Variants in PLEKHG1 observed in about 807,000 individuals in gnomAD.
PLEKHG1 encodes pleckstrin homology and RhoGEF domain containing G1, also known as pleckstrin homology domain-containing family G member 1.
Under a neutral mutation model 100.8 loss-of-function variants are expected in PLEKHG1, and 44 were observed. That is an observed-to-expected ratio of 0.44 (90% CI 0.34 to 0.56). The LOEUF (loss-of-function observed/expected upper bound fraction) is 0.56. PLEKHG1 is among the 20% of genes least tolerant of loss of function. The probability of loss-of-function intolerance (pLI) is 0.01; values close to 1 mark genes in which losing one functional copy is unlikely to be tolerated. For missense variants in PLEKHG1, 1,545 were observed against 1,720.9 expected, an observed-to-expected ratio of 0.90 and a Z score of 1.81; for synonymous variants, 640 against 662.5, an observed-to-expected ratio of 0.97 and a Z score of 0.52.
At chr6:150,652,579 G>T (rs1338885438) in intron 3 of PLEKHG1, among the ~76,000 whole-genome samples, 8 of 152,130 alleles carry the variant, frequency 5.3e-5, no homozygotes, top group African/African-American at 1.9e-4. Flanking sequence ...AATTAGCTGG[G>T]CGTGGTGGCT....
At chr6:150,697,428 GC>G (rs942474754) in intron 3 of PLEKHG1, among the ~76,000 whole-genome samples, 4 of 152,206 alleles carry the variant, frequency 2.6e-5, no homozygotes, top group Admixed American at 2.6e-4. Context: ...TAAGGCACTA[GC>G]CTTAAAGAAG....
chr6:150,808,595 C>A (rs1787284075), intron 7 of PLEKHG1, among the ~76,000 whole-genome samples: 1 of 151,898 alleles, frequency 6.6e-6, no homozygotes, highest in African/African-American at 2.4e-5. Context: ...ACTAAAAATG[C>A]AAAAAAATTT....
At chr6:150,625,373 C>G (rs1192104410) in intron 1 of PLEKHG1, among the ~76,000 whole-genome samples, 1 of 152,128 alleles carries the variant, frequency 6.6e-6, no homozygotes, top group Non-Finnish European at 1.5e-5. Context: ...TGTCTTCTCC[C>G]TGTGTCGTTA....
Position 150,775,333 on chromosome 6 carries a change from A to G in PLEKHG1, c.512+6595A>G, listed in dbSNP as rs187918084. ...TTTCTTTAAGAATGAAGAGTGAGGAAATAAAGATCATTCCTCCATATTGAA... is the reference window on the plus strand; with the variant it reads ...TTTCTTTAAGAATGAAGAGTGAGGAGATAAAGATCATTCCTCCATATTGAA... On this transcript the variant is annotated intron_variant, in intron 3 of 15. Transcript: ENST00000358517. 1.2e-4 allele frequency among the ~76,000 whole-genome samples: 19 copies of G among 152,342 alleles called. No homozygotes were observed. The East Asian group carries it at 3.7e-3, about 29-fold the overall frequency.
At position 150,830,748 on chromosome 6, in the gene PLEKHG1, G is replaced by A. The variant is rs374260329; in HGVS notation, c.1637G>A (p.Arg546Gln). Residue 546 changes from arginine (R) to glutamine (Q), a missense_variant, in exon 15 of 16, where the codon CGA becomes CAA. Transcript: ENST00000358517. The stretch of plus-strand genomic sequence containing the variant: ...ATCAGGCAAGCCTTGTTTCCCAGCC[G>A]ACGGTCCCCGCAGGAGAATGAGGAT... 5.0e-5 allele frequency: 81 copies of A among 1,614,166 alleles called. No homozygotes were observed. The highest frequency in any genetic ancestry group is 6.6e-5 in the Non-Finnish European group (78 of 1,180,020).
intron 3 of PLEKHG1, among the ~76,000 whole-genome samples, chr6:150,677,282 CTA>C (rs1491386034): frequency 1.8e-4 from 21 of 119,424 alleles, no homozygotes; most frequent in African/African-American, 5.7e-4. Flanking sequence ...GTTTCTTCCC[CTA>C]TACACACACA....
chr6:150,779,056 G>A (rs887951830), intron 3 of PLEKHG1, among the ~76,000 whole-genome samples: 6 of 152,170 alleles, frequency 3.9e-5, no homozygotes, highest in African/African-American at 1.2e-4. Flanking sequence ...AACCATGACT[G>A]TGGCCATGCA....
intron 3 of PLEKHG1, among the ~76,000 whole-genome samples, chr6:150,771,318 G>A (rs1490597490): frequency 6.6e-6 from 1 of 151,896 alleles, no homozygotes; most frequent in Admixed American, 6.6e-5. Context: ...TTGGGAGGCT[G>A]AGGCAGGAGA....
upstream of PLEKHG1, among the ~76,000 whole-genome samples, chr6:150,719,539 A>G (rs1458978918): frequency 6.6e-6 from 1 of 152,226 alleles, no homozygotes; most frequent in Non-Finnish European, 1.5e-5. Context: ...ACGATTAAAT[A>G]TGAGACCACA....
At chr6:150,605,264 C>G (rs2128550560) in intron 1 of PLEKHG1, among the ~76,000 whole-genome samples, 1 of 152,326 alleles carries the variant, frequency 6.6e-6, no homozygotes, top group South Asian at 2.1e-4. Context: ...GAGAATCAAG[C>G]ACAAAACAAT....
intron 4 of PLEKHG1, among the ~76,000 whole-genome samples, chr6:150,791,208 A>T (rs1205414088): frequency 6.6e-6 from 1 of 152,136 alleles, no homozygotes; most frequent in South Asian, 2.1e-4. Flanking sequence ...CCAGCAATCT[A>T]TGTTTTAACA....
At chr6:150,631,646 T>G (rs1310229970) in intron 1 of PLEKHG1, among the ~76,000 whole-genome samples, 1 of 152,200 alleles carries the variant, frequency 6.6e-6, no homozygotes, top group East Asian at 1.9e-4. Context: ...GTTCTAACCT[T>G]GCATTTCAGA....
intron 14 of PLEKHG1, among the ~76,000 whole-genome samples, chr6:150,829,141 A>G (rs972208419): frequency 6.6e-6 from 1 of 152,124 alleles, no homozygotes; most frequent in Non-Finnish European, 1.5e-5. Flanking sequence ...ATAGGTTACT[A>G]TAGTGTTTTA....
exon 2 of PLEKHG1, chr6:150,733,648 A>T: frequency 6.2e-7 from 1 of 1,614,156 alleles, no homozygotes; most frequent in Non-Finnish European, 8.5e-7. Flanking sequence ...CCAAGACGAC[A>T]GCCAGGCGTT....
At chr6:150,779,344 G>GT (rs71554482) in intron 3 of PLEKHG1, among the ~76,000 whole-genome samples, 2,466 of 104,518 alleles carry the variant, frequency 0.024, 69 homozygotes, top group Middle Eastern at 0.048. Context: ...TTGTCAAGAA[G>GT]TTTTTTTTTT....
At chr6:150,772,372 T>C (rs150096724) in intron 3 of PLEKHG1, among the ~76,000 whole-genome samples, 107 of 152,332 alleles carry the variant, frequency 7.0e-4, no homozygotes, top group African/African-American at 2.5e-3. Flanking sequence ...ATGTGTAACA[T>C]GCTGTGGGAG....
intron 3 of PLEKHG1, among the ~76,000 whole-genome samples, chr6:150,699,073 T>C (rs1255191087): frequency 1.3e-5 from 2 of 152,228 alleles, no homozygotes; most frequent in African/African-American, 4.8e-5. Flanking sequence ...TCCTTAAAAC[T>C]GGTGAAATCT....
At chr6:150,801,432 C>CTTTTTTTTTTTTTTTTTTT (rs1389259884) in intron 6 of PLEKHG1, among the ~76,000 whole-genome samples, 1 of 125,850 alleles carries the variant, frequency 7.9e-6, no homozygotes. Flanking sequence ...TTTTTCTTTT[C>CTTTTTTTTTTTTTTTTTTT]TTTTCTTTTT....
chr6:150,678,067 T>TATA, intron 3 of PLEKHG1, among the ~76,000 whole-genome samples: 1 of 90,678 alleles, frequency 1.1e-5, no homozygotes, highest in Non-Finnish European at 2.2e-5. Flanking sequence ...TTGATGCATA[T>TATA]ATATATATAT....
Sources: gnomAD v4.1 joint callset for allele counts (sites outside exome capture counted in the v4.1 genomes callset) on GRCh38, gnomAD v4.1.1 for gene constraint, MANE v1.5 for transcripts, NCBI Gene and HGNC (gene_info 2026-07-23, HGNC 2026-07-21) for gene names.